The following FBXO21 variants were observed in gnomAD, a reference collection of about 807,000 sequenced individuals.
FBXO21 encodes the protein F-box only protein 21.
FBXO21 carries 32 observed loss-of-function variants against 76.6 expected under a neutral mutation model. That is an observed-to-expected ratio of 0.42 (90% CI 0.32 to 0.56). The LOEUF is 0.56. Ranked by LOEUF, FBXO21 falls within the 20% of genes least tolerant of loss-of-function variation. The pLI is 0.16. For synonymous variants in FBXO21, 328 were observed against 311.5 expected (o/e 1.05, Z -0.56); for missense variants, 586 against 797.3 (o/e 0.73, Z 3.19).
At chr12:117,149,125 T>C (rs1445652165) in intron 11 of FBXO21, among the ~76,000 whole-genome samples, 1 of 152,132 alleles carries the variant, frequency 6.6e-6, no homozygotes, top group Non-Finnish European at 1.5e-5. Context: ...CACAACCTGG[T>C]ATCTTAACCA....
intron 11 of FBXO21, among the ~76,000 whole-genome samples, chr12:117,153,802 A>G (rs2135850159): frequency 6.6e-6 from 1 of 152,382 alleles, no homozygotes; most frequent in Non-Finnish European, 1.5e-5. Flanking sequence ...ATTTGCTAAC[A>G]TTACCCATCA....
intron 9 of FBXO21, among the ~76,000 whole-genome samples, chr12:117,163,898 C>T (rs565953280): frequency 4.0e-5 from 6 of 151,538 alleles, no homozygotes; most frequent in South Asian, 4.2e-4. Flanking sequence ...AAGCTGAGAT[C>T]GTGCCGCTGC....
At chr12:117,155,747 A>G in intron 11 of FBXO21, 44 bp downstream of exon 11, 2 of 1,579,042 alleles carry the variant, frequency 1.3e-6, no homozygotes, top group Non-Finnish European at 1.7e-6. Flanking sequence ...TGCGCTGAAA[A>G]CACGCCCGCG....
At chr12:117,178,546 G>A (rs1302710386) in intron 3 of FBXO21, among the ~76,000 whole-genome samples, 2 of 151,964 alleles carry the variant, frequency 1.3e-5, no homozygotes. Context: ...GGACTTAAAA[G>A]GTCTCTTGAA....
rs1480184862 is a variant in FBXO21 at position 117,189,775 on chromosome 12, CG to C, written c.240-414del. On this transcript the variant is annotated intron_variant, in intron 1 of 11. Coordinates refer to ENST00000622495, the MANE Select transcript of FBXO21 (RefSeq NM_015002.3). ...GAACGAGGCTCAAAAAAAGGGAAGT[CG>C]CTCCCCCCAAGGTCACAGAGGGAGT... Among the ~76,000 whole-genome samples, 3 of 152,220 alleles carry C rather than the reference CG, an allele frequency of 2.0e-5. No homozygotes were observed. In the East Asian group the frequency reaches 5.8e-4, roughly 29 times the overall value.
chr12:117,188,198 A>G (rs914705552), intron 2 of FBXO21, among the ~76,000 whole-genome samples: 1 of 152,216 alleles, frequency 6.6e-6, no homozygotes, highest in Non-Finnish European at 1.5e-5. Context: ...AACTCAAAAC[A>G]TTAGTGTGGA....
intron 9 of FBXO21, 54 bp downstream of exon 9, chr12:117,165,428 TCAA>T: frequency 6.5e-7 from 1 of 1,541,576 alleles, no homozygotes; most frequent in Non-Finnish European, 8.8e-7. Context: ...CGGGCACCCT[TCAA>T]TCTAGGACTT....
intron 9 of FBXO21, among the ~76,000 whole-genome samples, chr12:117,164,734 T>A (rs995494121): frequency 2.0e-5 from 3 of 152,244 alleles, no homozygotes; most frequent in Non-Finnish European, 4.4e-5. Flanking sequence ...ATTTTACCCC[T>A]CTCTAATGAC....
intron 11 of FBXO21, among the ~76,000 whole-genome samples, chr12:117,146,498 C>T (rs1015295677): frequency 1.3e-5 from 2 of 152,196 alleles, no homozygotes; most frequent in African/African-American, 4.8e-5. Flanking sequence ...GAGCTCCCCA[C>T]GGAACAGCAG....
chr12:117,157,874 T>C lies in FBXO21; in HGVS notation c.1516A>G (p.Arg506Gly). Residue 506 changes from arginine to glycine, a missense_variant and splice_region_variant, in exon 10 of 12, where the codon AGG (arginine) becomes GGG (glycine). Transcript: ENST00000622495. ...YSIGLIMKHK[R>G]YGYNCVIYGW... is the part of the protein sequence containing the mutation. ...GGACAGATGATCCCGGGCACTCACC[T>C]CTTATGCTTCATAATGAGCCCGATG... 6.2e-7 allele frequency: 1 copy of C among 1,601,476 alleles called. No homozygotes were observed. Among genetic ancestry groups the C allele is most frequent in the Non-Finnish European group, 8.5e-7 (1 of 1,171,654 alleles).
intron 8 of FBXO21, among the ~76,000 whole-genome samples, chr12:117,166,168 C>G (rs537462742): frequency 8.1e-6 from 1 of 122,848 alleles, no homozygotes; most frequent in Non-Finnish European, 1.6e-5. Flanking sequence ...CCAGTCTGGG[C>G]AACAAGAGCG....
Position 117,190,424 on chromosome 12 carries a change from C to A in FBXO21, c.33G>T (p.Glu11Asp). Residue 11 changes from glutamate to aspartate, a missense_variant, in exon 1 of 12, where the codon GAG (glutamate) becomes GAT (aspartate). Physicochemically the swap from Glu to Asp is conservative, Grantham distance 45. Around this residue, in one of 6 missense-constraint regions of FBXO21, gnomAD observed 152 missense variants for 127.2 expected, o/e 1.19. Transcript: ENST00000622495. MAAAAVDSAM[E>D]VVPALAEEAA... is the part of the protein sequence containing the mutation. ...CCTCCTCCGCCAGCGCCGGCACCACCTCCATCGCGCTGTCGACTGCTGCCG... is the reference window on the plus strand; with the variant it reads ...CCTCCTCCGCCAGCGCCGGCACCACATCCATCGCGCTGTCGACTGCTGCCG... 1 of 1,455,910 alleles carries A rather than the reference C, an allele frequency of 6.9e-7. No individual in the cohort carries two copies. Among genetic ancestry groups the A allele is most frequent in the Non-Finnish European group, 9.1e-7 (1 of 1,097,528 alleles). 90.2% of individuals were successfully genotyped at this position (1,455,910 alleles called of 1,614,324 possible).
chr12:117,172,691 T>TTG (rs1182814013), intron 6 of FBXO21, 84 bp from the exon 7 acceptor site: 231 of 1,415,866 alleles, frequency 1.6e-4, no homozygotes, highest in Non-Finnish European at 2.0e-4. Flanking sequence ...TAGGCACCTA[T>TTG]TGTGCATTGG....
chr12:117,150,953 AGTTTGTGT>A (rs1452228806), intron 11 of FBXO21, among the ~76,000 whole-genome samples: 1 of 77,438 alleles, frequency 1.3e-5, no homozygotes, highest in African/African-American at 5.8e-5. Context: ...GTATCAAATA[AGTTTGTGT>A]GTGTGTGTGT....
chr12:117,176,477 T>C (rs1218629306), intron 4 of FBXO21, among the ~76,000 whole-genome samples: 15 of 152,100 alleles, frequency 9.9e-5, no homozygotes, highest in Non-Finnish European at 1.5e-4. Context: ...ATGCAGGGCA[T>C]TGAAAAGCAG....
At chr12:117,152,691 A>G (rs1955858653) in intron 11 of FBXO21, among the ~76,000 whole-genome samples, 1 of 152,208 alleles carries the variant, frequency 6.6e-6, no homozygotes, top group African/African-American at 2.4e-5. Context: ...GAAATTTGAA[A>G]ACTATTAGAT....
At chr12:117,179,141 CTA>C (rs1300177945) in intron 3 of FBXO21, among the ~76,000 whole-genome samples, 4 of 152,306 alleles carry the variant, frequency 2.6e-5, no homozygotes, top group African/African-American at 4.8e-5. Context: ...GCAGAATGAT[CTA>C]TGTTTCATCT....
Position 117,151,683 on chromosome 12 carries a change from T to C in FBXO21, c.1675+4108A>G, listed in dbSNP as rs77364826. Among the ~76,000 whole-genome samples, 1,581 of 151,666 alleles carry C rather than the reference T, an allele frequency of 0.01. 138 individuals carry two copies. In the East Asian group the frequency reaches 0.24, roughly 23 times the overall value. ...AGCATAAAATTGTCCCACGTGATTA[T>C]AACACATTGAATAAATAAAAATCCA... On this transcript the variant is annotated intron_variant, in intron 11 of 11. Transcript: ENST00000622495.
At chr12:117,146,367 G>A (rs1955770828) in intron 11 of FBXO21, 90 bp from the exon 12 acceptor site, 1 of 1,189,670 alleles carries the variant, frequency 8.4e-7, no homozygotes. Flanking sequence ...ACCCCTTCCA[G>A]GTGGCATTTT....
Sources: allele counts gnomAD v4.1 joint callset (sites outside exome capture counted in the v4.1 genomes callset), GRCh38; gene constraint gnomAD v4.1.1; regional missense constraint gnomAD v4.1.1; transcripts MANE v1.5; gene names NCBI Gene and HGNC (gene_info 2026-07-23, HGNC 2026-07-21).